Variants in FAT3 observed in about 807,000 individuals in gnomAD.
FAT3 encodes protocadherin Fat 3.
Under a neutral mutation model 310.2 loss-of-function variants are expected in FAT3, and 95 were observed. That is an observed-to-expected ratio of 0.31 (90% confidence interval 0.26 to 0.36). FAT3 has a LOEUF of 0.36. FAT3 is among the 10% of genes least tolerant of loss of function. The pLI is 1.00. For synonymous variants in FAT3, 2,314 were observed against 2,192.9 expected, an observed-to-expected ratio of 1.06 and a Z score of -1.54; for missense variants, 5,408 against 5,715.6, an observed-to-expected ratio of 0.95 and a Z score of 1.74.
chr11:92,806,979 T>C (rs774228526), intron 12 of FAT3, among the ~76,000 whole-genome samples: 11 of 152,196 alleles, frequency 7.2e-5, no homozygotes, highest in Non-Finnish European at 1.6e-4. Flanking sequence ...TATCTAGTTA[T>C]GCAGATAAAG....
intron 2 of FAT3, among the ~76,000 whole-genome samples, chr11:92,372,491 C>G (rs952659610): frequency 6.6e-6 from 1 of 152,000 alleles, no homozygotes. Context: ...TGATGACCAT[C>G]TGACAGGCTG....
chr11:92,727,604 A>C (rs951928601), intron 4 of FAT3, among the ~76,000 whole-genome samples: 3 of 152,186 alleles, frequency 2.0e-5, no homozygotes, highest in African/African-American at 7.2e-5. Flanking sequence ...ATCATCAGTC[A>C]GGTGTGGGTG....
intron 3 of FAT3, among the ~76,000 whole-genome samples, chr11:92,644,174 T>C (rs1942061902): frequency 6.6e-6 from 1 of 152,230 alleles, no homozygotes; most frequent in Admixed American, 6.5e-5. Context: ...GGGGTGCCTC[T>C]GAAGCCTGCA....
chr11:92,727,375 C>T (rs768453977), intron 4 of FAT3, among the ~76,000 whole-genome samples: 1 of 151,904 alleles, frequency 6.6e-6, no homozygotes, highest in Non-Finnish European at 1.5e-5. Flanking sequence ...GGAGATACAG[C>T]CTGTCAGGGA....
intron 2 of FAT3, among the ~76,000 whole-genome samples, chr11:92,369,861 C>CA (rs142198413): frequency 0.077 from 11,731 of 151,804 alleles, 656 homozygotes; most frequent in African/African-American, 0.15. Context: ...AAAAAACAAA[C>CA]AAAAAAAACT....
intron 2 of FAT3, among the ~76,000 whole-genome samples, chr11:92,372,614 A>T (rs1344546699): frequency 6.6e-6 from 1 of 151,984 alleles, no homozygotes; most frequent in Non-Finnish European, 1.5e-5. Flanking sequence ...TAGAACTACA[A>T]AGAGGAAAAG....
In FAT3 at chr11:92,806,397, A is replaced by T. The variant is rs376942444; in HGVS notation, c.9129A>T (p.Pro3043=). The change falls in exon 12 of 28, where the codon CCA becomes CCT. Residue 3043 remains proline, a synonymous_variant. Coordinates refer to ENST00000525166, the MANE Select transcript of FAT3 (RefSeq NM_001367949.2). ...AYTALLPEDI[P]SNKIILKVSA... ...CAGCATTACTTCCTGAAGACATTCC[A>T]TCAAATAAAATCATCCTGAAAGTCA... 2 of 1,598,250 alleles carry T rather than the reference A, an allele frequency of 1.3e-6. No homozygotes were observed. The highest frequency in any genetic ancestry group is 3.5e-5 in the Admixed American group (2 of 57,942).
At chr11:92,436,801 C>G (rs1287381802) in intron 2 of FAT3, among the ~76,000 whole-genome samples, 1 of 152,164 alleles carries the variant, frequency 6.6e-6, no homozygotes, top group African/African-American at 2.4e-5. Context: ...GGTTCCTGCT[C>G]TGTGTTGTTT....
chr11:92,312,664 T>C (rs1384819129), intron 1 of FAT3, among the ~76,000 whole-genome samples: 1 of 152,184 alleles, frequency 6.6e-6, no homozygotes, highest in Non-Finnish European at 1.5e-5. Context: ...TTTGTGAGTA[T>C]ATTTTAGGTG....
chr11:92,264,814 A>G (rs1945887273), intron 1 of FAT3, among the ~76,000 whole-genome samples: 1 of 152,082 alleles, frequency 6.6e-6, no homozygotes, highest in South Asian at 2.1e-4. Flanking sequence ...TCTTTTCTTT[A>G]GGGCGGTCAC....
At chr11:92,749,663 A>G (rs946475642) in intron 4 of FAT3, among the ~76,000 whole-genome samples, 2 of 152,200 alleles carry the variant, frequency 1.3e-5, no homozygotes, top group African/African-American at 4.8e-5. Context: ...AACGATGGGT[A>G]CCTTCGTACA....
intron 25 of FAT3, 149 bp from the exon 26 acceptor site, chr11:92,889,040 C>G (rs1398452878): frequency 1.9e-6 from 1 of 525,508 alleles, no homozygotes; most frequent in African/African-American, 2.0e-5. Flanking sequence ...GATACACTTC[C>G]TAACAGATTG....
At chr11:92,356,155 T>G (rs1009599854) in intron 2 of FAT3, among the ~76,000 whole-genome samples, 1 of 152,288 alleles carries the variant, frequency 6.6e-6, no homozygotes, top group Non-Finnish European at 1.5e-5. Context: ...TTAAAATACT[T>G]GTTATTGTCG....
intron 3 of FAT3, among the ~76,000 whole-genome samples, chr11:92,530,456 A>G (rs904324826): frequency 1.3e-5 from 2 of 152,130 alleles, no homozygotes; most frequent in Non-Finnish European, 2.9e-5. Flanking sequence ...GAGTTAATTC[A>G]GTCACCCACT....
At chr11:92,770,341 A>G (rs1483513415) in intron 6 of FAT3, among the ~76,000 whole-genome samples, 1 of 152,106 alleles carries the variant, frequency 6.6e-6, no homozygotes, top group Admixed American at 6.6e-5. Flanking sequence ...CTTTCCAGCC[A>G]CTTTTTCCTG....
chr11:92,646,421 G>A (rs1352015542), intron 3 of FAT3, among the ~76,000 whole-genome samples: 1 of 152,164 alleles, frequency 6.6e-6, no homozygotes, highest in Admixed American at 6.5e-5. Context: ...TATTCTATTG[G>A]TCAAGCAAGT....
At chr11:92,278,114 AT>A (rs1298099754) in intron 1 of FAT3, among the ~76,000 whole-genome samples, 1 of 152,156 alleles carries the variant, frequency 6.6e-6, no homozygotes, top group Non-Finnish European at 1.5e-5. Flanking sequence ...ACCCACAGAA[AT>A]TCCTGAGGGG....
intron 6 of FAT3, among the ~76,000 whole-genome samples, chr11:92,766,100 G>T (rs565382071): frequency 2.0e-5 from 3 of 152,236 alleles, no homozygotes; most frequent in South Asian, 4.2e-4. Context: ...GATAGACCCT[G>T]GGAGCCAACC....
chr11:92,723,357 C>G (rs1944916734), intron 4 of FAT3, among the ~76,000 whole-genome samples: 1 of 152,172 alleles, frequency 6.6e-6, no homozygotes. Flanking sequence ...TCCTCATCTC[C>G]ATCTCAGACC....
Sources: allele counts gnomAD v4.1 joint callset (sites outside exome capture counted in the v4.1 genomes callset), GRCh38; gene constraint gnomAD v4.1.1; transcripts MANE v1.5; gene names NCBI Gene and HGNC (gene_info 2026-07-23, HGNC 2026-07-21).